Variants in ERC2 observed in about 807,000 individuals in gnomAD.
ERC2 encodes the protein ERC protein 2.
Under a neutral mutation model 114.8 loss-of-function variants are expected in ERC2, and 42 were observed. That is an observed-to-expected ratio of 0.37 (90% CI 0.29 to 0.47). ERC2 has a LOEUF of 0.47. Among genes scored for constraint, ERC2 ranks in the 20% least tolerant of loss-of-function variants. The pLI is 0.99. For synonymous variants in ERC2, 454 were observed against 425.5 expected (o/e 1.07, Z -0.82); for missense variants, 939 against 1,150.7 (o/e 0.82, Z 2.66).
chr3:56,277,423 C>T (rs911055828), intron 3 of ERC2, among the ~76,000 whole-genome samples: 3 of 152,066 alleles, frequency 2.0e-5, no homozygotes, highest in Admixed American at 2.0e-4. Context: ...AAATGCCAAA[C>T]ATTCCTTCTC....
At chr3:56,174,354 G>T (rs557673504) in intron 3 of ERC2, among the ~76,000 whole-genome samples, 1 of 152,348 alleles carries the variant, frequency 6.6e-6, no homozygotes, top group African/African-American at 2.4e-5. Context: ...TGTGTGTTCA[G>T]ATCACACTTG....
At chr3:55,973,383 G>A (rs543936074) in intron 12 of ERC2, among the ~76,000 whole-genome samples, 1 of 152,350 alleles carries the variant, frequency 6.6e-6, no homozygotes, top group South Asian at 2.1e-4. Context: ...AGAGTAGTGG[G>A]AGGATGAGTG....
chr3:55,608,304 T>G (rs954215287), intron 17 of ERC2, among the ~76,000 whole-genome samples: 1 of 152,198 alleles, frequency 6.6e-6, no homozygotes, highest in Non-Finnish European at 1.5e-5. Context: ...TCTTAACCTA[T>G]GACAACACAA....
Position 55,979,749 on chromosome 3 carries a change from G to C in ERC2, c.2267+6228C>G, listed in dbSNP as rs2069917996. ...CACACCAGGAGTTTGAGATCAGTCT[G>C]AGCAACATAGTGAGACCCCACCTCT... is the stretch of plus-strand genomic sequence containing the variant. On this transcript the variant is annotated intron_variant, in intron 12 of 17. Transcript: ENST00000288221. Among the ~76,000 whole-genome samples the C allele has an allele frequency of 2.0e-5, 3 of 150,516 alleles. No individual in the cohort carries two copies. In the South Asian group the frequency reaches 6.3e-4, roughly 32 times the overall value.
chr3:55,577,277 GAA>G (rs1050931609), intron 17 of ERC2, among the ~76,000 whole-genome samples: 1 of 145,160 alleles, frequency 6.9e-6, no homozygotes, highest in Non-Finnish European at 1.5e-5. Flanking sequence ...AAAAAAAAGA[GAA>G]AAAAAAAAAT....
chr3:55,623,561 C>T (rs2059400031), intron 17 of ERC2, among the ~76,000 whole-genome samples: 1 of 152,154 alleles, frequency 6.6e-6, no homozygotes, highest in African/African-American at 2.4e-5. Flanking sequence ...ACATCTGTTC[C>T]CCTGGTCACC....
intron 3 of ERC2, among the ~76,000 whole-genome samples, chr3:56,284,856 A>G (rs903521313): frequency 5.3e-5 from 8 of 151,924 alleles, no homozygotes; most frequent in African/African-American, 1.9e-4. Flanking sequence ...CTTTTGCAGG[A>G]CTTGCCTCAT....
At chr3:56,368,223 C>T (rs918361784) in intron 2 of ERC2, among the ~76,000 whole-genome samples, 4 of 147,724 alleles carry the variant, frequency 2.7e-5, no homozygotes, top group South Asian at 2.1e-4. Flanking sequence ...CAGCTAAGAT[C>T]GGTCATACAT....
intron 14 of ERC2, among the ~76,000 whole-genome samples, chr3:55,833,374 C>T (rs1411186358): frequency 6.6e-6 from 1 of 150,978 alleles, no homozygotes. Flanking sequence ...GTCGGGTTAC[C>T]CACAAAGGGA....
At chr3:56,193,930 T>A (rs1438788663) in intron 3 of ERC2, among the ~76,000 whole-genome samples, 2 of 152,120 alleles carry the variant, frequency 1.3e-5, no homozygotes, top group Non-Finnish European at 2.9e-5. Flanking sequence ...CTTTATAACT[T>A]TTCTGGTGAG....
chr3:55,673,672 A>AG (rs2061657569), intron 17 of ERC2, among the ~76,000 whole-genome samples: 1 of 152,232 alleles, frequency 6.6e-6, no homozygotes, highest in Non-Finnish European at 1.5e-5. Flanking sequence ...CCCCAGCACC[A>AG]GGGGAGACAA....
chr3:56,088,639 A>G (rs755404106), intron 6 of ERC2, among the ~76,000 whole-genome samples: 1 of 152,154 alleles, frequency 6.6e-6, no homozygotes, highest in Non-Finnish European at 1.5e-5. Flanking sequence ...TTGGATAGAC[A>G]AGCGGCTCAG....
Position 56,083,959 on chromosome 3 carries a change from A to C in ERC2, c.1474-2975T>G, listed in dbSNP as rs373052022. Among the ~76,000 whole-genome samples the C allele has an allele frequency of 1.1e-3, 168 of 152,270 alleles. 7 individuals are homozygous for C. The South Asian group carries it at 0.033, about 29-fold the overall frequency. On this transcript the variant is annotated intron_variant, in intron 6 of 17. Transcript: ENST00000288221. ...AAGGATTGCTGCATCTCATAACAAAAATTTTCAAACATTTTGCTTCCTTAT... is the reference window on the plus strand; with the variant it reads ...AAGGATTGCTGCATCTCATAACAAACATTTTCAAACATTTTGCTTCCTTAT...
In ERC2 at chr3:56,259,668, T is replaced by C. The variant is rs540554847; in HGVS notation, c.1074+36351A>G. ...AGATTTGATATGATATGATATGATA[T>C]GATATGATATGATATGATATGATAT... On this transcript the variant is annotated intron_variant, in intron 3 of 17. Coordinates refer to ENST00000288221, the MANE Select transcript of ERC2 (RefSeq NM_015576.3). Among the ~76,000 whole-genome samples, 137 of 152,024 alleles carry C rather than the reference T, an allele frequency of 9.0e-4. 2 individuals carry two copies. In the South Asian group the frequency reaches 0.028, roughly 31 times the overall value.
chr3:56,346,974 C>T (rs1181504311), intron 2 of ERC2, among the ~76,000 whole-genome samples: 2 of 152,146 alleles, frequency 1.3e-5, no homozygotes, highest in Non-Finnish European at 2.9e-5. Context: ...TTCCATTAGG[C>T]CCTACCTCTC....
At chr3:55,775,025 GA>G (rs2068490122) in intron 14 of ERC2, among the ~76,000 whole-genome samples, 1 of 152,088 alleles carries the variant, frequency 6.6e-6, no homozygotes, top group Non-Finnish European at 1.5e-5. Flanking sequence ...GACATTTTAG[GA>G]GAGACAACAG....
chr3:55,965,472 A>AT (rs1190047246), intron 12 of ERC2, among the ~76,000 whole-genome samples: 2 of 152,142 alleles, frequency 1.3e-5, no homozygotes, highest in South Asian at 2.1e-4. Context: ...TATGTTAGCT[A>AT]TTTTTTAAAA....
At chr3:56,083,376 G>C (rs556812478) in intron 6 of ERC2, among the ~76,000 whole-genome samples, 1 of 152,266 alleles carries the variant, frequency 6.6e-6, no homozygotes, top group South Asian at 2.1e-4. Flanking sequence ...AGAAATGAGA[G>C]CAACAGTTGC....
chr3:56,254,178 C>T (rs1446330468), intron 3 of ERC2, among the ~76,000 whole-genome samples: 1 of 152,220 alleles, frequency 6.6e-6, no homozygotes, highest in Non-Finnish European at 1.5e-5. Context: ...TTATTTTCCC[C>T]ATGGATTGCT....
Sources: allele counts gnomAD v4.1 joint callset (sites outside exome capture counted in the v4.1 genomes callset), GRCh38; gene constraint gnomAD v4.1.1; transcripts MANE v1.5; gene names NCBI Gene and HGNC (gene_info 2026-07-23, HGNC 2026-07-21).